The following SUGT1 variants were observed in gnomAD, a reference collection of about 807,000 sequenced individuals.
SUGT1 encodes protein SGT1 homolog.
A neutral mutation model predicts 56.1 loss-of-function variants in SUGT1; 15 were observed. That is an observed-to-expected ratio of 0.27 (90% confidence interval 0.18 to 0.41). The LOEUF (loss-of-function observed/expected upper bound fraction) is 0.41. Among genes scored for constraint, SUGT1 ranks in the 10% least tolerant of loss-of-function variants. The pLI, the probability that SUGT1 is intolerant of heterozygous loss-of-function variation, is 1.00. For synonymous variants in SUGT1, 123 were observed against 128.6 expected (o/e 0.96, Z 0.30); for missense variants, 347 against 382.2 (o/e 0.91, Z 0.77).
At position 52,690,954 on chromosome 13, in the gene SUGT1, C is replaced by T. The variant is rs532763729; in HGVS notation, c.*3119C>T. 2.0e-4 allele frequency: 30 copies of T among 152,372 alleles called. No individual in the cohort carries two copies. The highest frequency in any genetic ancestry group is 7.2e-4 in the African/African-American group (30 of 41,540). 9.4% of individuals were successfully genotyped at this position (152,372 alleles called of 1,614,324 possible). On this transcript the variant is annotated 3_prime_UTR_variant, in exon 13 of 13. Coordinates refer to ENST00000310528, the MANE Select transcript of SUGT1 (RefSeq NM_006704.5). ...TGGTGCGATCATGGCTCACTGTAGC[C>T]TCCAACTCCTAGGCTCAAGTAATCC...
In SUGT1 at chr13:52,680,034, G is replaced by A. The variant is rs753117626; in HGVS notation, c.779G>A (p.Gly260Asp). The A allele has an allele frequency of 1.9e-6, 3 of 1,602,790 alleles. No homozygotes were observed. The East Asian group carries it at 6.8e-5, about 36-fold the overall frequency. The change falls in exon 12 of 13, where the codon GGT becomes GAT. Residue 260 changes from glycine to aspartate, a missense_variant. Physicochemically the swap from Gly to Asp is moderately conservative, Grantham distance 94. Coordinates refer to ENST00000310528, the MANE Select transcript of SUGT1 (RefSeq NM_006704.5). ...ACAAGAAATTGGGATAAATTGGTTG[G>A]TGAGATCAAAGAAGAAGAAAAGAAT... ...PYTRNWDKLVGEIKEEEKNEK... is the reference protein window; with the variant it reads ...PYTRNWDKLVDEIKEEEKNEK...
At chr13:52,684,446 A>G (rs1432730861) in intron 12 of SUGT1, among the ~76,000 whole-genome samples, 1 of 144,344 alleles carries the variant, frequency 6.9e-6, no homozygotes, top group Admixed American at 6.9e-5. Context: ...ATTCATTTCT[A>G]TTTTTATTTT....
chr13:52,672,524 G>A (rs992065258), intron 10 of SUGT1, among the ~76,000 whole-genome samples: 4 of 152,126 alleles, frequency 2.6e-5, no homozygotes, highest in Non-Finnish European at 4.4e-5. Context: ...GTCTGGGCTC[G>A]AAGGCAGCTA....
intron 2 of SUGT1, among the ~76,000 whole-genome samples, chr13:52,657,101 G>C (rs1227004934): frequency 6.6e-6 from 1 of 152,184 alleles, no homozygotes; most frequent in East Asian, 1.9e-4. Flanking sequence ...ACCTCCCTGA[G>C]TGCTAGATTT....
At chr13:52,661,782 G>A (rs1962468215) in intron 5 of SUGT1, among the ~76,000 whole-genome samples, 1 of 152,138 alleles carries the variant, frequency 6.6e-6, no homozygotes, top group Admixed American at 6.5e-5. Flanking sequence ...AGAATACAGT[G>A]TGTGTGAGAG....
chr13:52,678,987 T>C (rs1963260957), intron 11 of SUGT1, among the ~76,000 whole-genome samples: 1 of 152,146 alleles, frequency 6.6e-6, no homozygotes, highest in Non-Finnish European at 1.5e-5. Flanking sequence ...CGGCCTCTGT[T>C]GGTTTCAAGT....
intron 8 of SUGT1, among the ~76,000 whole-genome samples, chr13:52,664,692 T>G (rs982162829): frequency 6.6e-6 from 1 of 152,120 alleles, no homozygotes; most frequent in Non-Finnish European, 1.5e-5. Flanking sequence ...CTGGAAAAGT[T>G]AAAAACCATC....
chr13:52,676,922 A>G (rs1419655074), intron 11 of SUGT1, among the ~76,000 whole-genome samples: 1 of 152,186 alleles, frequency 6.6e-6, no homozygotes, highest in Non-Finnish European at 1.5e-5. Flanking sequence ...AAGTATGTGC[A>G]ATAACTAGGT....
chr13:52,668,384 G>A (rs1962802823), intron 10 of SUGT1, among the ~76,000 whole-genome samples: 1 of 152,174 alleles, frequency 6.6e-6, no homozygotes, highest in Non-Finnish European at 1.5e-5. Context: ...AACAGGATCG[G>A]GGTTGGCCTG....
intron 5 of SUGT1, 105 bp from the exon 6 acceptor site, chr13:52,662,544 C>T (rs2138120869): frequency 1.8e-6 from 2 of 1,108,884 alleles, no homozygotes; most frequent in East Asian, 2.4e-5. Context: ...TGCCGACTCC[C>T]CAGTGCCTAG....
chr13:52,699,375 G>A lies in SUGT1; in HGVS notation c.*11540G>A, dbSNP rs1964023698. The A allele has an allele frequency of 6.6e-6, 1 of 152,048 alleles. No individual in the cohort carries two copies. Among genetic ancestry groups the A allele is most frequent in the South Asian group, 2.1e-4 (1 of 4,822 alleles). The allele number at this position is 152,048 out of a possible 1,614,324, so 9.4% of individuals were successfully genotyped here. A position where few individuals can be genotyped will look rare whatever the true frequency, so the allele number is the denominator to read the frequency against. On this transcript the variant is annotated 3_prime_UTR_variant, in exon 13 of 13. Transcript: ENST00000310528. ...AGAACTGAGCAGAGAAATACTCAGA[G>A]AGAGCCATGGCATAGTACTAATTAA...
rs1242564547 is a variant in SUGT1, at chr13:52,694,607, A to T, written c.*6772A>T. On this transcript the variant is annotated 3_prime_UTR_variant, in exon 13 of 13. Coordinates refer to ENST00000310528, the MANE Select transcript of SUGT1 (RefSeq NM_006704.5). The stretch of plus-strand genomic sequence containing the variant: ...ACTATTAGGATTTGTGAAAAATACA[A>T]GGTACAAAATCACGCAGTTTATAAA... The T allele has an allele frequency of 6.6e-6, 1 of 152,262 alleles. No individual in the cohort carries two copies. The highest frequency in any genetic ancestry group is 1.5e-5 in the Non-Finnish European group (1 of 68,046). The allele number at this position is 152,262 out of a possible 1,614,324, so 9.4% of individuals were successfully genotyped here.
Position 52,695,943 on chromosome 13 carries a change from G to C in SUGT1, c.*8108G>C, listed in dbSNP as rs922846627. On this transcript the variant is annotated 3_prime_UTR_variant, in exon 13 of 13. Transcript: ENST00000310528. ...AAGCAGTCTAATCTTTTGCAACTCT[G>C]TTACTGACTTTTGTGGCATTGGATT... 3.3e-5 allele frequency: 5 copies of C among 152,196 alleles called. No individual in the cohort carries two copies. Among genetic ancestry groups the C allele is most frequent in the Admixed American group, 3.3e-4 (5 of 15,274 alleles). The allele number at this position is 152,196 out of a possible 1,614,324, so 9.4% of individuals were successfully genotyped here. A position where few individuals can be genotyped will look rare whatever the true frequency, so the allele number is the denominator to read the frequency against.
At position 52,657,496 on chromosome 13, in the gene SUGT1, A is replaced by G. The variant is rs750680451; in HGVS notation, c.97-36A>G. 4.1e-5 allele frequency: 64 copies of G among 1,579,650 alleles called. 1 individual carries two copies. In the East Asian group the frequency reaches 6.0e-4, roughly 15 times the overall value. On this transcript the variant is annotated intron_variant, in intron 2 of 12. Coordinates refer to ENST00000310528, the MANE Select transcript of SUGT1 (RefSeq NM_006704.5). Reference sequence around the variant, plus strand: ...AATTAGAATTTGATGGCTTCTTACAAACTTTTACTGACGCTCCACATGTTT... The same window carrying G: ...AATTAGAATTTGATGGCTTCTTACAGACTTTTACTGACGCTCCACATGTTT...
chr13:52,690,686 C>CT lies in SUGT1; in HGVS notation c.*2851_*2852insT, dbSNP rs1963751065. Reference sequence around the variant, plus strand: ...TACCACAAGTTTGAAACATCAAGGTCAATTTTGATAATTTCCTGTCTTATG... The same window carrying CT: ...TACCACAAGTTTGAAACATCAAGGTCTAATTTTGATAATTTCCTGTCTTATG... On this transcript the variant is annotated 3_prime_UTR_variant, in exon 13 of 13. Coordinates refer to ENST00000310528, the MANE Select transcript of SUGT1 (RefSeq NM_006704.5). 1 of 152,080 alleles carries CT rather than the reference C, an allele frequency of 6.6e-6. No individual in the cohort carries two copies. The highest frequency in any genetic ancestry group is 1.5e-5 in the Non-Finnish European group (1 of 68,020). 9.4% of individuals were successfully genotyped at this position (152,080 alleles called of 1,614,324 possible).
Position 52,657,555 on chromosome 13 carries a change from G to C in SUGT1, c.120G>C (p.Gln40His). 1 of 1,613,692 alleles carries C rather than the reference G, an allele frequency of 6.2e-7. No individual in the cohort carries two copies. Among genetic ancestry groups the C allele is most frequent in the Non-Finnish European group, 8.5e-7 (1 of 1,179,764 alleles). The change falls in exon 3 of 13, where the codon CAG becomes CAC. Residue 40 changes from glutamine (Q) to histidine (H), a missense_variant. Transcript: ENST00000310528. Reference protein sequence around the residue: ...ALEELTKALEQKPDDAQYYCQ... With the variant: ...ALEELTKALEHKPDDAQYYCQ... ...AGGAGCTGACTAAGGCTTTGGAACA[G>C]AAACCAGATGATGCACAGTATTATT...
chr13:52,653,183 C>G (rs1961993668), intron 2 of SUGT1, 80 bp downstream of exon 2: 3 of 1,550,194 alleles, frequency 1.9e-6, no homozygotes, highest in African/African-American at 2.7e-5. Flanking sequence ...CCGCCTTCTC[C>G]CCGCACCGCC....
chr13:52,669,824 T>TA (rs1231835883), intron 10 of SUGT1, among the ~76,000 whole-genome samples: 15 of 152,188 alleles, frequency 9.9e-5, no homozygotes, highest in Non-Finnish European at 2.2e-4. Context: ...AAATAAATGA[T>TA]AAAATCTTTG....
intron 10 of SUGT1, among the ~76,000 whole-genome samples, chr13:52,671,856 TG>T (rs1382879892): frequency 6.6e-6 from 1 of 152,214 alleles, no homozygotes; most frequent in Non-Finnish European, 1.5e-5. Flanking sequence ...TGATTGTTTT[TG>T]TGTTATTCTC....
Sources: allele counts gnomAD v4.1 joint callset (sites outside exome capture counted in the v4.1 genomes callset), GRCh38; gene constraint gnomAD v4.1.1; transcripts MANE v1.5; gene names NCBI Gene and HGNC (gene_info 2026-07-23, HGNC 2026-07-21).